The following NFIB variants were observed in gnomAD, a reference collection of about 807,000 sequenced individuals.
NFIB encodes the protein nuclear factor 1 B-type.
A neutral mutation model predicts 61.5 loss-of-function variants in NFIB; 11 were observed. The ratio of observed to expected loss-of-function variants is 0.18; its 90% CI spans 0.11 to 0.30. NFIB has a LOEUF of 0.30. NFIB is among the 10% of genes least tolerant of loss of function. The pLI is 1.00. For missense variants in NFIB, 471 were observed against 608.9 expected (o/e 0.77, Z 2.38); for synonymous variants, 260 against 216.5 (o/e 1.20, Z -1.76).
chr9:14,496,977 T>C, the NFIB span, among the ~76,000 whole-genome samples: 333 of 152,342 alleles, frequency 2.2e-3, no homozygotes, highest in African/African-American at 7.7e-3. Context: ...TAGTTCATTG[T>C]AGTCTTTTAG....
intron 2 of NFIB, among the ~76,000 whole-genome samples, chr9:14,282,096 C>A (rs1311602998): frequency 6.6e-6 from 1 of 152,164 alleles, no homozygotes; most frequent in Non-Finnish European, 1.5e-5. Context: ...AAATTTGATT[C>A]AGTACAAAAA....
the NFIB span, among the ~76,000 whole-genome samples, chr9:14,420,099 C>T: frequency 6.6e-6 from 1 of 152,062 alleles, no homozygotes; most frequent in Non-Finnish European, 1.5e-5. Context: ...AAACTGTCCC[C>T]AAACTCATGT....
intron 1 of NFIB, among the ~76,000 whole-genome samples, chr9:14,319,416 A>G (rs1347473545): frequency 6.6e-6 from 1 of 152,224 alleles, no homozygotes; most frequent in African/African-American, 2.4e-5. Flanking sequence ...TAACTTTTGC[A>G]TGATGTATTT....
chr9:14,142,852 G>C (rs1040421379), intron 6 of NFIB, among the ~76,000 whole-genome samples: 2 of 152,150 alleles, frequency 1.3e-5, no homozygotes, highest in Non-Finnish European at 2.9e-5. Flanking sequence ...AGGATTTACA[G>C]AAGAGACTAA....
At chr9:14,212,984 G>A (rs2131739484) in intron 2 of NFIB, among the ~76,000 whole-genome samples, 1 of 152,238 alleles carries the variant, frequency 6.6e-6, no homozygotes, top group Non-Finnish European at 1.5e-5. Flanking sequence ...TCCAGTCTCA[G>A]AGACACACAA....
chr9:14,411,096 A>T, the NFIB span, among the ~76,000 whole-genome samples: 9 of 152,232 alleles, frequency 5.9e-5, no homozygotes, highest in African/African-American at 1.9e-4. Flanking sequence ...CCATTTTGAC[A>T]TAGTTGTAAA....
the NFIB span, among the ~76,000 whole-genome samples, chr9:14,519,820 G>A: frequency 2.6e-5 from 4 of 152,156 alleles, no homozygotes; most frequent in Non-Finnish European, 5.9e-5. Flanking sequence ...TTACCTAGCT[G>A]GGCAATGGCA....
chr9:14,204,551 T>G, intron 2 of NFIB: 2 of 1,365,478 alleles, frequency 1.5e-6, no homozygotes, highest in Non-Finnish European at 2.1e-6. Context: ...GCCCCACAAG[T>G]ACAGACCAGA....
intron 4 of NFIB, among the ~76,000 whole-genome samples, chr9:14,151,542 C>G (rs375974811): frequency 6.6e-6 from 1 of 152,062 alleles, no homozygotes; most frequent in Non-Finnish European, 1.5e-5. Flanking sequence ...TGATCCAAAA[C>G]TGCTGTAGAA....
rs190131193 is a variant in NFIB at position 14,321,274 on chromosome 9, G to T, written c.109-13754C>A. Among the ~76,000 whole-genome samples the T allele has an allele frequency of 2.0e-5, 3 of 152,168 alleles. 1 individual carries two copies. The highest frequency in any genetic ancestry group is 1.3e-4 in the Admixed American group (2 of 15,280). The stretch of plus-strand genomic sequence containing the variant: ...AAAAAATCGGCAGCAAAAATAGCGG[G>T]GTTGGGGGGAAACTATTAACAGGAG... On this transcript the variant is annotated intron_variant, in intron 1 of 8. Coordinates refer to the NFIB transcript ENST00000380934.
chr9:14,214,020 C>A (rs2050587577), intron 2 of NFIB, among the ~76,000 whole-genome samples: 1 of 152,168 alleles, frequency 6.6e-6, no homozygotes, highest in South Asian at 2.1e-4. Flanking sequence ...TCGGGCTATG[C>A]ATCAGGTCTC....
At chr9:14,103,023 GTTTTAACC>G (rs1261420854) in intron 10 of NFIB, among the ~76,000 whole-genome samples, 1 of 152,188 alleles carries the variant, frequency 6.6e-6, no homozygotes, top group Non-Finnish European at 1.5e-5. Context: ...AAGGTCTTCA[GTTTTAACC>G]TTTTACTAAT....
the NFIB span, among the ~76,000 whole-genome samples, chr9:14,489,089 T>A: frequency 6.6e-6 from 1 of 152,202 alleles, no homozygotes; most frequent in Non-Finnish European, 1.5e-5. Flanking sequence ...TCATCTTTCC[T>A]CCAGCGGAAA....
At chr9:14,107,550 C>G (rs1307790122) in intron 10 of NFIB, among the ~76,000 whole-genome samples, 1 of 152,042 alleles carries the variant, frequency 6.6e-6, no homozygotes, top group Non-Finnish European at 1.5e-5. Flanking sequence ...GAGGCTACTA[C>G]AACTTGTAAA....
At chr9:14,174,502 T>C (rs1210604331) in intron 3 of NFIB, among the ~76,000 whole-genome samples, 2 of 152,088 alleles carry the variant, frequency 1.3e-5, no homozygotes, top group Admixed American at 6.6e-5. Context: ...GTGCGGTGGC[T>C]CATGCCTGTA....
chr9:14,456,676 T>C, the NFIB span, among the ~76,000 whole-genome samples: 1 of 152,164 alleles, frequency 6.6e-6, no homozygotes, highest in Non-Finnish European at 1.5e-5. Context: ...TTTCAGCTAT[T>C]AGATTGCAGA....
chr9:14,418,116 G>A, the NFIB span, among the ~76,000 whole-genome samples: 1 of 152,098 alleles, frequency 6.6e-6, no homozygotes, highest in African/African-American at 2.4e-5. Flanking sequence ...CCCAGGAAGT[G>A]TTAATGTACT....
intron 2 of NFIB, among the ~76,000 whole-genome samples, chr9:14,208,118 A>G (rs983463348): frequency 6.6e-6 from 1 of 152,214 alleles, no homozygotes; most frequent in Non-Finnish European, 1.5e-5. Flanking sequence ...GTCATTTTAG[A>G]ATCATCTTTC....
At chr9:14,208,309 T>C (rs1010747347) in intron 2 of NFIB, among the ~76,000 whole-genome samples, 5 of 152,152 alleles carry the variant, frequency 3.3e-5, no homozygotes, top group African/African-American at 7.2e-5. Flanking sequence ...TTTCTTTCAA[T>C]TGGCAATCCT....
Sources: allele counts gnomAD v4.1 joint callset (sites outside exome capture counted in the v4.1 genomes callset), GRCh38; gene constraint gnomAD v4.1.1; transcripts MANE v1.5; gene names NCBI Gene and HGNC (gene_info 2026-07-23, HGNC 2026-07-21).